ZSWIM4: variants seen among roughly 807,000 people sequenced by gnomAD.
ZSWIM4 encodes the protein zinc finger SWIM-type containing 4.
Under a neutral mutation model 102.5 loss-of-function variants are expected in ZSWIM4, and 62 were observed. The observed-to-expected ratio is 0.60, with a 90% CI of 0.49 to 0.75. ZSWIM4 has a LOEUF of 0.75. Among genes scored for constraint, ZSWIM4 ranks in the 30% least tolerant of loss-of-function variants. ZSWIM4 has a pLI of 0.00. For missense variants in ZSWIM4, 1,280 were observed against 1,529.6 expected (o/e 0.84, Z 2.72); for synonymous variants, 652 against 674.5 (o/e 0.97, Z 0.52).
chr19:13,805,367 G>A (rs1228463200), intron 3 of ZSWIM4, among the ~76,000 whole-genome samples: 2 of 152,116 alleles, frequency 1.3e-5, no homozygotes, highest in African/African-American at 4.8e-5. Context: ...ATCAGCCTAC[G>A]GGCAGAGGGC....
rs570714516 is a variant in ZSWIM4 at position 13,802,121 on chromosome 19, A to T, written c.355+2200A>T. Reference sequence around the variant, plus strand: ...CTCCCAAGTAGCTGGGACTACAGGCACCTGCCACCACACCCAGCTAATTTT... The same window carrying T: ...CTCCCAAGTAGCTGGGACTACAGGCTCCTGCCACCACACCCAGCTAATTTT... On this transcript the variant is annotated intron_variant, in intron 2 of 13. Transcript: ENST00000590508. Among the ~76,000 whole-genome samples, 5 of 150,130 alleles carry T rather than the reference A, an allele frequency of 3.3e-5. No homozygotes were observed. In the South Asian group the frequency reaches 1.1e-3, roughly 32 times the overall value.
chr19:13,799,795 C>A lies in ZSWIM4; in HGVS notation c.229C>A (p.Arg77=). 4 of 1,613,998 alleles carry A rather than the reference C, an allele frequency of 2.5e-6. No individual in the cohort carries two copies. In the South Asian group the frequency reaches 3.3e-5, roughly 13 times the overall value. The change falls in exon 2 of 14, where the codon CGG becomes AGG. Residue 77 remains arginine, a synonymous_variant. Transcript: ENST00000590508. ...IVFWSFPRSE[R]EICMYSSLGY... is the part of the protein sequence containing the mutation. ...GTTTTGGTCGTTTCCACGCAGTGAA[C>A]GGGAAATATGTATGTACTCGTCGCT...
intron 2 of ZSWIM4, among the ~76,000 whole-genome samples, chr19:13,801,105 C>T (rs1342138642): frequency 3.3e-5 from 5 of 151,328 alleles, no homozygotes; most frequent in Admixed American, 2.6e-4. Flanking sequence ...ATTGCACCAC[C>T]GTACTCCAGC....
In ZSWIM4 at chr19:13,804,815, C is replaced by G; in HGVS notation, c.379C>G (p.Arg127Gly). ...AGGATTCCACCTGAGCGGAAACATCCGCGAGCCAGGGAGTCCTGGAGAGCC... is the reference window on the plus strand; with the variant it reads ...AGGATTCCACCTGAGCGGAAACATCGGCGAGCCAGGGAGTCCTGGAGAGCC... ...QVGFHLSGNI[R>G]EPGSPGEPER... Residue 127 changes from arginine (R) to glycine (G), a missense_variant, in exon 3 of 14, where the codon CGC (arginine) becomes GGC (glycine). Physicochemically the swap from Arg to Gly is moderately radical, Grantham distance 125. Coordinates refer to ENST00000590508, the MANE Select transcript of ZSWIM4 (RefSeq NM_001367834.3). The G allele has an allele frequency of 6.3e-7, 1 of 1,593,844 alleles. No homozygotes were observed. The highest frequency in any genetic ancestry group is 2.2e-5 in the East Asian group (1 of 44,538).
At chr19:13,824,251 C>A (rs955383347) in intron 11 of ZSWIM4, among the ~76,000 whole-genome samples, 1 of 152,132 alleles carries the variant, frequency 6.6e-6, no homozygotes, top group African/African-American at 2.4e-5. Context: ...AGTACCTGAA[C>A]TTCATGACCT....
intron 2 of ZSWIM4, among the ~76,000 whole-genome samples, chr19:13,800,244 CTTTTTTTT>C (rs750229248): frequency 3.6e-5 from 1 of 27,502 alleles, no homozygotes; most frequent in Non-Finnish European, 7.9e-5. Flanking sequence ...TTTTGTATTT[CTTTTTTTT>C]TTTTTTTTTT....
intron 7 of ZSWIM4, among the ~76,000 whole-genome samples, chr19:13,815,510 G>A (rs1294979604): frequency 5.4e-5 from 6 of 110,730 alleles, no homozygotes; most frequent in Admixed American, 1.3e-4. Flanking sequence ...TCGGTCTTTC[G>A]CCCAGTCTGG....
In ZSWIM4 at chr19:13,805,047, T is replaced by C; in HGVS notation, c.611T>C (p.Val204Ala). ...QMNRDQLQKF[V>A]QYLISAHHTE... ...AACCGGGACCAGCTGCAGAAGTTCG[T>C]GCAGTACCTCATCAGCGCCCATCAC... Residue 204 changes from valine to alanine, a missense_variant, in exon 3 of 14, where the codon GTG becomes GCG. Transcript: ENST00000590508. The C allele has an allele frequency of 1.9e-6, 3 of 1,610,778 alleles. No homozygotes were observed. Among genetic ancestry groups the C allele is most frequent in the Non-Finnish European group, 2.5e-6 (3 of 1,180,018 alleles).
chr19:13,824,860 T>C (rs774956772), intron 11 of ZSWIM4, among the ~76,000 whole-genome samples: 39 of 152,046 alleles, frequency 2.6e-4, no homozygotes, highest in Non-Finnish European at 5.1e-4. Flanking sequence ...GTGGGTTCCA[T>C]TGCCTGAGTG....
At chr19:13,818,694 G>C (rs1010238050) in intron 9 of ZSWIM4, among the ~76,000 whole-genome samples, 2 of 151,862 alleles carry the variant, frequency 1.3e-5, no homozygotes, top group Admixed American at 6.6e-5. Context: ...CTCCCGAGTA[G>C]CTGGGATTAC....
At position 13,831,207 on chromosome 19, in the gene ZSWIM4, T is replaced by A. The variant is rs1975760362; in HGVS notation, c.*157T>A. On this transcript the variant is annotated 3_prime_UTR_variant, in exon 14 of 14. Coordinates refer to ENST00000590508, the MANE Select transcript of ZSWIM4 (RefSeq NM_001367834.3). The stretch of plus-strand genomic sequence containing the variant: ...GGGGAGCAGCATCCTGCCACGTGTG[T>A]GCCTGGGAGTCTGTGAGCAAGTGTG... 2.2e-6 allele frequency: 2 copies of A among 928,522 alleles called. No individual in the cohort carries two copies. Among genetic ancestry groups the A allele is most frequent in the Admixed American group, 3.1e-5 (1 of 32,508 alleles). 57.5% of individuals were successfully genotyped at this position (928,522 alleles called of 1,614,324 possible).
At chr19:13,799,123 A>T (rs1390199455) in intron 1 of ZSWIM4, among the ~76,000 whole-genome samples, 1 of 151,910 alleles carries the variant, frequency 6.6e-6, no homozygotes, top group Non-Finnish European at 1.5e-5. Flanking sequence ...TCTGTTGCCC[A>T]GGCTGGAGTG....
rs1568323918 is a variant in ZSWIM4 at position 13,797,631 on chromosome 19, G to A, written c.153+1830G>A. Among the ~76,000 whole-genome samples the A allele has an allele frequency of 5.5e-5, 8 of 146,076 alleles. No homozygotes were observed. The South Asian group carries it at 1.5e-3, about 27-fold the overall frequency. ...ATAGCTGATGAGCTTAAAAAGAAAA[G>A]AAAAGAAAATCTTTGTATTTATTTA... On this transcript the variant is annotated intron_variant, in intron 1 of 13. Coordinates refer to ENST00000590508, the MANE Select transcript of ZSWIM4 (RefSeq NM_001367834.3).
intron 6 of ZSWIM4, among the ~76,000 whole-genome samples, chr19:13,814,214 G>A (rs755115053): frequency 3.3e-5 from 5 of 151,630 alleles, no homozygotes; most frequent in African/African-American, 7.3e-5. Context: ...GCACCACCAC[G>A]CCAGGGTTAA....
In ZSWIM4 at chr19:13,814,847, TACAAGCAGCA is replaced by T. The variant is rs1975224391; in HGVS notation, c.1514_1523del (p.Tyr505Ter). 1 of 1,252,956 alleles carries T rather than the reference TACAAGCAGCA, an allele frequency of 8.0e-7. No individual in the cohort carries two copies. The highest frequency in any genetic ancestry group is 1.0e-6 in the Non-Finnish European group (1 of 961,156). The allele number at this position is 1,252,956 out of a possible 1,614,324, so 77.6% of individuals were successfully genotyped here. A position where few individuals can be genotyped will look rare whatever the true frequency, so the allele number is the denominator to read the frequency against. On this transcript the variant is annotated frameshift_variant, in exon 7 of 14. Coordinates refer to ENST00000590508, the MANE Select transcript of ZSWIM4 (RefSeq NM_001367834.3). LOFTEE classifies it high-confidence loss of function. Reference sequence around the variant, plus strand: ...GCAGCAGCGGCATCAGCTAGAGAGCTACAAGCAGCAGAAAAAAGGTCAGCCTCAGCCGGGC... The same window carrying T: ...GCAGCAGCGGCATCAGCTAGAGAGCTGAAAAAAGGTCAGCCTCAGCCGGGC...
In ZSWIM4 at chr19:13,805,049, C is replaced by T; in HGVS notation, c.613C>T (p.Gln205Ter). The T allele has an allele frequency of 6.2e-7, 1 of 1,610,510 alleles. No homozygotes were observed. Among genetic ancestry groups the T allele is most frequent in the Non-Finnish European group, 8.5e-7 (1 of 1,180,022 alleles). The part of the protein sequence containing the change: ...MNRDQLQKFV[Q>*]YLISAHHTEV... The stretch of plus-strand genomic sequence containing the variant: ...CCGGGACCAGCTGCAGAAGTTCGTG[C>T]AGTACCTCATCAGCGCCCATCACAC... Residue 205 changes from glutamine (Q) to a stop codon, truncating the protein, a stop_gained, in exon 3 of 14, where the codon CAG becomes TAG. Transcript: ENST00000590508. LOFTEE classifies it high-confidence loss of function.
chr19:13,795,913 C>T, intron 1 of ZSWIM4, 112 bp downstream of exon 1: 1 of 652,912 alleles, frequency 1.5e-6, no homozygotes, highest in Non-Finnish European at 2.1e-6. Context: ...TCAGAGACAC[C>T]CCCTGAGATT....
At position 13,831,262 on chromosome 19, in the gene ZSWIM4, C is replaced by A; in HGVS notation, c.*212C>A. 1.6e-6 allele frequency: 1 copy of A among 610,130 alleles called. No homozygotes were observed. The highest frequency in any genetic ancestry group is 2.7e-6 in the Non-Finnish European group (1 of 373,312). 37.8% of individuals were successfully genotyped at this position (610,130 alleles called of 1,614,324 possible). A position where few individuals can be genotyped will look rare whatever the true frequency, so the allele number is the denominator to read the frequency against. ...ACTCCAGAAGCAGAAGCCATACTGC[C>A]ACCCAGAAGCCTGGAAGGGGTGTGT... is the stretch of plus-strand genomic sequence containing the variant. On this transcript the variant is annotated 3_prime_UTR_variant, in exon 14 of 14. Coordinates refer to ENST00000590508, the MANE Select transcript of ZSWIM4 (RefSeq NM_001367834.3).
At chr19:13,805,737 C>T (rs1188700666) in intron 3 of ZSWIM4, among the ~76,000 whole-genome samples, 1 of 151,570 alleles carries the variant, frequency 6.6e-6, no homozygotes, top group Non-Finnish European at 1.5e-5. Flanking sequence ...TTTGGGAGGC[C>T]GAGGTGGGCG....
Sources: allele counts gnomAD v4.1 joint callset (sites outside exome capture counted in the v4.1 genomes callset), GRCh38; gene constraint gnomAD v4.1.1; transcripts MANE v1.5; gene names NCBI Gene and HGNC (gene_info 2026-07-23, HGNC 2026-07-21).